SEC24C: variants seen among roughly 807,000 people sequenced by gnomAD.
The protein encoded by SEC24C is SEC24 homolog C, COPII component.
A neutral mutation model predicts 117.0 loss-of-function variants in SEC24C; 22 were observed. The ratio of observed to expected loss-of-function variants is 0.19; its 90% CI spans 0.13 to 0.27. The LOEUF is 0.27. Ranked by LOEUF, SEC24C falls within the 10% of genes least tolerant of loss-of-function variation. SEC24C has a pLI of 1.00. For synonymous variants in SEC24C, 506 were observed against 529.4 expected, an observed-to-expected ratio of 0.96 and a Z score of 0.61; for missense variants, 1,155 against 1,375.1, an observed-to-expected ratio of 0.84 and a Z score of 2.53.
chr10:73,763,743 A>G lies in SEC24C; in HGVS notation c.1100-113A>G, dbSNP rs1020116019. 7.3e-6 allele frequency: 8 copies of G among 1,102,046 alleles called. No individual in the cohort carries two copies. In the Admixed American group the frequency reaches 9.0e-5, roughly 12 times the overall value. 68.3% of individuals were successfully genotyped at this position (1,102,046 alleles called of 1,614,324 possible). On this transcript the variant is annotated intron_variant, in intron 7 of 22. Transcript: ENST00000345254. ...AGTTCCCTCTAGTCCCTCTGGGGGA[A>G]AAAGCCACCATCACCTCTAGCTTTG... is the stretch of plus-strand genomic sequence containing the variant.
intron 6 of SEC24C, 54 bp from the exon 7 acceptor site, chr10:73,763,436 G>A: frequency 2.4e-6 from 3 of 1,245,196 alleles, no homozygotes; most frequent in Non-Finnish European, 3.5e-6. Context: ...TGGCACTCTG[G>A]GACCTCACAC....
intron 1 of SEC24C, among the ~76,000 whole-genome samples, chr10:73,746,158 C>CAAAAA (rs71021568): frequency 1.1e-4 from 10 of 93,058 alleles, no homozygotes; most frequent in South Asian, 7.9e-4. Context: ...GACTCCGTCT[C>CAAAAA]AAAAAAAAAA....
intron 3 of SEC24C, chr10:73,751,987 A>G (rs2082648127): frequency 6.6e-6 from 1 of 152,240 alleles, no homozygotes; most frequent in African/African-American, 2.4e-5. Context: ...ATGGCCAGTT[A>G]TGAACTGAAA....
Position 73,767,183 on chromosome 10 carries a change from A to T in SEC24C, c.2010+13A>T. The stretch of plus-strand genomic sequence containing the variant: ...AGACAAGGAGAAGGTGTGGGACTGG[A>T]AAATGGGGGAGGGGAAGGATTTTTC... On this transcript the variant is annotated intron_variant, in intron 14 of 22. Coordinates refer to ENST00000345254, the MANE Select transcript of SEC24C (RefSeq NM_198597.3). 1 of 1,554,872 alleles carries T rather than the reference A, an allele frequency of 6.4e-7. No individual in the cohort carries two copies. The highest frequency in any genetic ancestry group is 8.9e-7 in the Non-Finnish European group (1 of 1,126,804).
At chr10:73,768,209 C>A (rs940511171) in intron 15 of SEC24C, among the ~76,000 whole-genome samples, 6 of 152,178 alleles carry the variant, frequency 3.9e-5, no homozygotes, top group Admixed American at 1.3e-4. Context: ...CATGGCAAAA[C>A]CCCATCTCTA....
chr10:73,763,763 G>C, intron 7 of SEC24C, 93 bp from the exon 8 acceptor site: 1 of 1,350,776 alleles, frequency 7.4e-7, no homozygotes, highest in South Asian at 1.3e-5. Context: ...ATCACCTCTA[G>C]CTTTGTGGAG....
At position 73,769,653 on chromosome 10, in the gene SEC24C, C is replaced by G. The variant is rs750494009; in HGVS notation, c.2602C>G (p.Arg868Gly). ...GVLNSPVKAV[R>G]DTLITQCAQI... ...CCTGAATAGCCCTGTGAAGGCTGTT[C>G]GTGACACGCTCATCACCCAGTGTGC... Residue 868 changes from arginine to glycine, a missense_variant, in exon 19 of 23, where the codon CGT becomes GGT. By Grantham distance (125) the Arg-to-Gly change is moderately radical. Coordinates refer to ENST00000345254, the MANE Select transcript of SEC24C (RefSeq NM_198597.3). This position sits in a 1 kb window ranked among gnomAD's most constrained non-coding sequence, Gnocchi z 4.5. The G allele has an allele frequency of 3.7e-6, 6 of 1,614,044 alleles. No individual in the cohort carries two copies. In the Admixed American group the frequency reaches 1.0e-4, roughly 27 times the overall value.
intron 2 of SEC24C, among the ~76,000 whole-genome samples, chr10:73,750,658 C>T (rs1265733513): frequency 2.0e-5 from 3 of 152,262 alleles, no homozygotes; most frequent in Non-Finnish European, 4.4e-5. Flanking sequence ...AGAATAATCT[C>T]CCCAAGAGAT....
rs2082884529 is a variant in SEC24C at position 73,766,418 on chromosome 10, A to G, written c.1676A>G (p.Tyr559Cys). 3 of 1,614,054 alleles carry G rather than the reference A, an allele frequency of 1.9e-6. No homozygotes were observed. The highest frequency in any genetic ancestry group is 1.3e-5 in the African/African-American group (1 of 74,922). The stretch of plus-strand genomic sequence containing the variant: ...ACCTACAATAAGGTGCTCCACTTCT[A>G]TAATGTGAAGAGCTCATTGGCCCAG... ...FVTYNKVLHF[Y>C]NVKSSLAQPQ... The change falls in exon 12 of 23, where the codon TAT (tyrosine) becomes TGT (cysteine). Residue 559 changes from tyrosine (Y) to cysteine (C), a missense_variant. Physicochemically the swap from Tyr to Cys is radical, Grantham distance 194. Around this residue, in one of 2 missense-constraint regions of SEC24C, gnomAD observed 759 missense variants for 992.3 expected, o/e 0.76. Coordinates refer to ENST00000345254, the MANE Select transcript of SEC24C (RefSeq NM_198597.3).
Position 73,769,790 on chromosome 10 carries a change from G to A in SEC24C, c.2683-46G>A, listed in dbSNP as rs2082945131. 1.2e-6 allele frequency: 2 copies of A among 1,612,098 alleles called. No homozygotes were observed. The highest frequency in any genetic ancestry group is 1.7e-6 in the Non-Finnish European group (2 of 1,178,320). On this transcript the variant is annotated intron_variant, in intron 19 of 22. Transcript: ENST00000345254. This position sits in a 1 kb window ranked among gnomAD's most constrained non-coding sequence, Gnocchi z 4.5. ...TGTTGGGACAAATGTTTGCATTTGGGAGGGATTTCTCATGATCATTGACTT... is the reference window on the plus strand; with the variant it reads ...TGTTGGGACAAATGTTTGCATTTGGAAGGGATTTCTCATGATCATTGACTT...
Position 73,759,672 on chromosome 10 carries a change from A to G in SEC24C, c.359A>G (p.Gln120Arg), listed in dbSNP as rs987712576. 7 of 1,581,864 alleles carry G rather than the reference A, an allele frequency of 4.4e-6. No individual in the cohort carries two copies. Among genetic ancestry groups the G allele is most frequent in the Non-Finnish European group, 6.0e-6 (7 of 1,167,248 alleles). ...FGSPLAPVGN[Q>R]PPVLQPYGPP... ...TCCCCATTGGCCCCTGTGGGCAACC[A>G]GCCACCTGTGCTTCAGCCCTATGGC... is the stretch of plus-strand genomic sequence containing the variant. The change falls in exon 4 of 23, where the codon CAG becomes CGG. Residue 120 changes from glutamine (Q) to arginine (R), a missense_variant. Gln to Arg is a conservative substitution (Grantham distance 43). This residue lies in a region of SEC24C where 396 missense variants were observed against 382.8 expected (regional missense o/e 1.03). Coordinates refer to ENST00000345254, the MANE Select transcript of SEC24C (RefSeq NM_198597.3).
At chr10:73,768,397 T>C (rs1329747456) in intron 15 of SEC24C, among the ~76,000 whole-genome samples, 2 of 152,070 alleles carry the variant, frequency 1.3e-5, no homozygotes, top group East Asian at 1.9e-4. Context: ...GAAATAGTGT[T>C]GGAAGAGAAG....
chr10:73,751,098 T>G lies in SEC24C; in HGVS notation c.173-10T>G. Reference sequence around the variant, plus strand: ...TTCCCAATCACTTAGTTTCTGTCCTTTACCCTCAGGTATGTCAAGAGCCCC... The same window carrying G: ...TTCCCAATCACTTAGTTTCTGTCCTGTACCCTCAGGTATGTCAAGAGCCCC... On this transcript the variant is annotated splice_polypyrimidine_tract_variant and intron_variant, in intron 2 of 22. Transcript: ENST00000345254. 1 of 1,612,142 alleles carries G rather than the reference T, an allele frequency of 6.2e-7. No individual in the cohort carries two copies. Among genetic ancestry groups the G allele is most frequent in the South Asian group, 1.1e-5 (1 of 90,944 alleles).
chr10:73,750,426 G>A (rs1256677156), intron 2 of SEC24C, among the ~76,000 whole-genome samples: 1 of 152,174 alleles, frequency 6.6e-6, no homozygotes, highest in African/African-American at 2.4e-5. Flanking sequence ...CTTTGGTGGT[G>A]GTTCTAAGGA....
Position 73,771,359 on chromosome 10 carries a change from C to T in SEC24C, c.*264C>T, listed in dbSNP as rs910859905. 10 of 465,876 alleles carry T rather than the reference C, an allele frequency of 2.1e-5. No homozygotes were observed. The highest frequency in any genetic ancestry group is 6.0e-4 in the Middle Eastern group (1 of 1,678). 28.9% of individuals were successfully genotyped at this position (465,876 alleles called of 1,614,324 possible). A position where few individuals can be genotyped will look rare whatever the true frequency, so the allele number is the denominator to read the frequency against. ...ATAATGAATGTAGCTTCTCAGTTCA[C>T]TGTATATGATTCGGTATTGGGGGTT... On this transcript the variant is annotated 3_prime_UTR_variant, in exon 23 of 23. Transcript: ENST00000345254.
chr10:73,759,679 T>C lies in SEC24C; in HGVS notation c.366T>C (p.Pro122=). Reference sequence around the variant, plus strand: ...TGGCCCCTGTGGGCAACCAGCCACCTGTGCTTCAGCCCTATGGCCCTCCCC... The same window carrying C: ...TGGCCCCTGTGGGCAACCAGCCACCCGTGCTTCAGCCCTATGGCCCTCCCC... The part of the protein sequence containing the change: ...SPLAPVGNQP[P]VLQPYGPPPT... The change falls in exon 4 of 23, where the codon CCT becomes CCC. Residue 122 remains proline, a synonymous_variant. Coordinates refer to ENST00000345254, the MANE Select transcript of SEC24C (RefSeq NM_198597.3). The C allele has an allele frequency of 6.3e-7, 1 of 1,591,346 alleles. No individual in the cohort carries two copies.
chr10:73,758,054 G>A (rs1488558583), intron 3 of SEC24C, among the ~76,000 whole-genome samples: 1 of 150,994 alleles, frequency 6.6e-6, no homozygotes, highest in Non-Finnish European at 1.5e-5. Context: ...GGCCAACATA[G>A]TGAAACCCCG....
At chr10:73,745,550 T>C (rs1425835494) in intron 1 of SEC24C, among the ~76,000 whole-genome samples, 1 of 151,486 alleles carries the variant, frequency 6.6e-6, no homozygotes, top group Admixed American at 6.6e-5. Context: ...CAGGTGTCCT[T>C]TATTTTTTAT....
In SEC24C at chr10:73,758,192, A is replaced by G. The variant is rs756610475; in HGVS notation, c.309-1430A>G. On this transcript the variant is annotated intron_variant, in intron 3 of 22. Transcript: ENST00000345254. ...GGAGGTTGTGATGGGCCAAGATCGC[A>G]CCACTGCACTCCAGCCTGGGCGACA... Among the ~76,000 whole-genome samples the G allele has an allele frequency of 7.1e-4, 107 of 151,412 alleles. 2 individuals carry two copies. Among genetic ancestry groups the G allele is most frequent in the Admixed American group, 9.9e-4 (15 of 15,186 alleles).
Sources: allele counts gnomAD v4.1 joint callset (sites outside exome capture counted in the v4.1 genomes callset), GRCh38; gene constraint gnomAD v4.1.1; regional missense constraint gnomAD v4.1.1; non-coding constraint Gnocchi (gnomAD v3.1); transcripts MANE v1.5; gene names NCBI Gene and HGNC (gene_info 2026-07-23, HGNC 2026-07-21).